Variants in ABCC2 observed in about 807,000 individuals in gnomAD.
ABCC2 encodes the protein ATP binding cassette subfamily C member 2, also known as ATP-binding cassette sub-family C member 2.
A neutral mutation model predicts 173.4 loss-of-function variants in ABCC2; 157 were observed. The observed-to-expected ratio is 0.91, with a 90% CI of 0.80 to 1.03. The LOEUF (loss-of-function observed/expected upper bound fraction) is 1.03, where lower values mean the gene tolerates loss of function less well. Ranked by LOEUF, ABCC2 falls within the 50% of genes least tolerant of loss-of-function variation. The pLI is 0.00. For missense variants in ABCC2, 1,822 were observed against 1,852.3 expected (o/e 0.98, Z 0.30); for synonymous variants, 657 against 693.5 (o/e 0.95, Z 0.83).
intron 1 of ABCC2, among the ~76,000 whole-genome samples, 193 bp downstream of exon 1, chr10:99,783,070 A>C (rs2037642444): frequency 6.6e-6 from 1 of 152,204 alleles, no homozygotes; most frequent in South Asian, 2.1e-4. Context: ...AATGCAAATT[A>C]TTCTCTGTCA....
In ABCC2 at chr10:99,851,515, G is replaced by T; in HGVS notation, c.4522G>T (p.Asp1508Tyr). Residue 1508 changes from aspartate (D) to tyrosine (Y), a missense_variant, in exon 32 of 32, where the codon GAC becomes TAC. By Grantham distance (160) the Asp-to-Tyr change is radical. Transcript: ENST00000647814. ...TCCTTGTTTCAGGGTAATGGTCCTA[G>T]ACAACGGGAAGATTATAGAGTGCGG... ...IMDSDKVMVLDNGKIIECGSP... is the reference protein window; with the variant it reads ...IMDSDKVMVLYNGKIIECGSP... 6.2e-7 allele frequency: 1 copy of T among 1,614,044 alleles called. No individual in the cohort carries two copies. Among genetic ancestry groups the T allele is most frequent in the Non-Finnish European group, 8.5e-7 (1 of 1,180,014 alleles).
Position 99,818,798 on chromosome 10 carries a change from T to A in ABCC2, c.2280T>A (p.Asn760Lys). Residue 760 changes from asparagine to lysine, a missense_variant, in exon 18 of 32, where the codon AAT becomes AAA. Transcript: ENST00000647814. ...DLAEIGEKGI[N>K]LSGGQKQRIS... is the part of the protein sequence containing the mutation. ...ATTATTTTCTTCTTCAGGGTATAAA[T>A]CTTAGTGGGGGTCAGAAGCAGCGGA... 1 of 1,614,110 alleles carries A rather than the reference T, an allele frequency of 6.2e-7. No homozygotes were observed. The highest frequency in any genetic ancestry group is 8.5e-7 in the Non-Finnish European group (1 of 1,180,020).
chr10:99,789,656 A>T (rs935606369), intron 2 of ABCC2, among the ~76,000 whole-genome samples: 1 of 145,488 alleles, frequency 6.9e-6, no homozygotes, highest in African/African-American at 2.5e-5. Context: ...CGGAGGTTGC[A>T]GTGAGATAGC....
intron 19 of ABCC2, among the ~76,000 whole-genome samples, chr10:99,820,273 C>G (rs2038510412): frequency 6.6e-6 from 1 of 152,176 alleles, no homozygotes; most frequent in Non-Finnish European, 1.5e-5. Flanking sequence ...TGCCTGTAAT[C>G]CCAGCTGCTT....
rs765544671 is a variant in ABCC2 at position 99,797,287 on chromosome 10, G to A, written c.823G>A (p.Gly275Ser). Residue 275 changes from glycine to serine, a missense_variant, in exon 7 of 32, where the codon GGC becomes AGC. Coordinates refer to ENST00000647814, the MANE Select transcript of ABCC2 (RefSeq NM_000392.5). ...SQQNSGARLP[G>S]LNKNQSQSQD... ...GCAGAACTCTGGAGCCAGGCTGCCT[G>A]GCTTGAACAAGAATCAGAGTCAAAG... The A allele has an allele frequency of 6.2e-6, 10 of 1,613,720 alleles. No individual in the cohort carries two copies. The highest frequency in any genetic ancestry group is 5.9e-6 in the Non-Finnish European group (7 of 1,179,914).
chr10:99,806,077 C>CTCTCTGTGTGTGTGTGTG (rs10644836), intron 11 of ABCC2, among the ~76,000 whole-genome samples: 45 of 148,148 alleles, frequency 3.0e-4, no homozygotes, highest in African/African-American at 1.1e-3. Context: ...CTCTCTCTGT[C>CTCTCTGTGTGTGTGTGTG]TGTGTGTGTG....
intron 9 of ABCC2, 128 bp downstream of exon 9, chr10:99,800,691 A>C (rs998356014): frequency 9.5e-7 from 1 of 1,048,412 alleles, no homozygotes; most frequent in South Asian, 1.3e-5. Context: ...CTGGCCATAC[A>C]GCCTCCTTTA....
At chr10:99,814,629 A>ATGTG (rs2038349662) in intron 16 of ABCC2, among the ~76,000 whole-genome samples, 2 of 85,994 alleles carry the variant, frequency 2.3e-5, no homozygotes, top group Non-Finnish European at 4.6e-5. Flanking sequence ...ATATACACAC[A>ATGTG]TATGTGTATA....
intron 11 of ABCC2, 57 bp from the exon 12 acceptor site, chr10:99,807,327 C>T (rs2038127288): frequency 1.2e-6 from 2 of 1,608,750 alleles, no homozygotes; most frequent in Middle Eastern, 1.7e-4. Context: ...GGATCAGATA[C>T]ACCTGGTGCC....
At chr10:99,848,998 C>A (rs1276383259) in intron 30 of ABCC2, among the ~76,000 whole-genome samples, 1 of 152,078 alleles carries the variant, frequency 6.6e-6, no homozygotes, top group East Asian at 1.9e-4. Context: ...GCCGAGGCAG[C>A]CGGATCACCT....
intron 13 of ABCC2, among the ~76,000 whole-genome samples, chr10:99,808,801 G>A (rs1382399890): frequency 1.3e-5 from 2 of 152,174 alleles, no homozygotes; most frequent in African/African-American, 4.8e-5. Context: ...TCACCGGACA[G>A]GCAGCAGACT....
At chr10:99,835,798 G>A (rs903136747) in intron 24 of ABCC2, among the ~76,000 whole-genome samples, 4 of 152,116 alleles carry the variant, frequency 2.6e-5, no homozygotes, top group Non-Finnish European at 5.9e-5. Context: ...GGGGATATGG[G>A]TTAGGCTGAC....
intron 16 of ABCC2, 65 bp from the exon 17 acceptor site, chr10:99,817,243 C>G: frequency 2.6e-6 from 4 of 1,510,780 alleles, no homozygotes; most frequent in Non-Finnish European, 3.7e-6. Flanking sequence ...CTCCAGCCAC[C>G]CCGTCCTTCA....
chr10:99,822,443 G>A (rs113033547), intron 19 of ABCC2, among the ~76,000 whole-genome samples: 3 of 151,614 alleles, frequency 2.0e-5, no homozygotes, highest in South Asian at 4.2e-4. Context: ...CTCCGTCTCC[G>A]CGGAGGTGCT....
chr10:99,813,509 A>T (rs1442928727), intron 16 of ABCC2, among the ~76,000 whole-genome samples: 1 of 152,192 alleles, frequency 6.6e-6, no homozygotes, highest in East Asian at 1.9e-4. Flanking sequence ...TGAGGTCAGG[A>T]GTTCGAGACC....
In ABCC2 at chr10:99,814,299, A is replaced by G. The variant is rs1317177740; in HGVS notation, c.2094+1155A>G. Among the ~76,000 whole-genome samples the G allele has an allele frequency of 7.8e-5, 6 of 76,602 alleles. 2 individuals carry two copies. The highest frequency in any genetic ancestry group is 7.4e-4 in the Admixed American group (6 of 8,162). The allele number at this position is 76,602 out of a possible 152,430, so 50.3% of individuals were successfully genotyped here. ...CACGTATGTATACACACACGTATGT[A>G]TACACACATGTATATACACACGTAT... On this transcript the variant is annotated intron_variant, in intron 16 of 31. Transcript: ENST00000647814.
At chr10:99,842,586 G>T (rs1036628365) in intron 26 of ABCC2, among the ~76,000 whole-genome samples, 2 of 152,120 alleles carry the variant, frequency 1.3e-5, no homozygotes, top group Admixed American at 1.3e-4. Flanking sequence ...TACATGGCAG[G>T]CATGATTCTT....
chr10:99,823,846 C>G (rs2038581837), intron 19 of ABCC2, among the ~76,000 whole-genome samples: 8 of 124,560 alleles, frequency 6.4e-5, no homozygotes, highest in African/African-American at 2.6e-4. Flanking sequence ...GTTAAAGGGA[C>G]AACTATTTTG....
At chr10:99,842,544 C>T (rs940636674) in intron 26 of ABCC2, among the ~76,000 whole-genome samples, 1 of 152,126 alleles carries the variant, frequency 6.6e-6, no homozygotes, top group African/African-American at 2.4e-5. Flanking sequence ...TAGAATGTGT[C>T]TCACTGCAGC....
Sources: gnomAD v4.1 joint callset for allele counts (sites outside exome capture counted in the v4.1 genomes callset) on GRCh38, gnomAD v4.1.1 for gene constraint, MANE v1.5 for transcripts, NCBI Gene and HGNC (gene_info 2026-07-23, HGNC 2026-07-21) for gene names.